GAS2: variants seen among roughly 807,000 people sequenced by gnomAD.
GAS2 encodes the protein growth arrest-specific protein 2.
In GAS2, 20 loss-of-function variants were observed where a neutral mutation model predicts 37.5. The ratio of observed to expected loss-of-function variants is 0.53; its 90% confidence interval spans 0.37 to 0.77. GAS2 has a LOEUF of 0.77. GAS2 is among the 30% of genes least tolerant of loss of function. The pLI is 0.00. For missense variants in GAS2, 336 were observed against 373.4 expected, an observed-to-expected ratio of 0.90 and a Z score of 0.82; for synonymous variants, 144 against 132.2, an observed-to-expected ratio of 1.09 and a Z score of -0.61.
At chr11:22,741,752 G>A (rs577095573) in intron 5 of GAS2, among the ~76,000 whole-genome samples, 3 of 152,160 alleles carry the variant, frequency 2.0e-5, no homozygotes, top group East Asian at 1.9e-4. Flanking sequence ...ACTTTCACAT[G>A]GTTGAAATTT....
chr11:22,641,049 A>G (rs890854665), intron 1 of GAS2, among the ~76,000 whole-genome samples: 2 of 150,836 alleles, frequency 1.3e-5, no homozygotes, highest in South Asian at 4.2e-4. Context: ...AGCTTTACTG[A>G]CTGTTTGAGG....
At chr11:22,643,058 CTTTT>C (rs34518780) in intron 1 of GAS2, among the ~76,000 whole-genome samples, 2 of 151,228 alleles carry the variant, frequency 1.3e-5, no homozygotes, top group African/African-American at 4.9e-5. Flanking sequence ...TGCTTTCTAA[CTTTT>C]TTTTTCTAAA....
At chr11:22,789,832 A>T (rs1431660598) in intron 7 of GAS2, among the ~76,000 whole-genome samples, 1 of 152,092 alleles carries the variant, frequency 6.6e-6, no homozygotes, top group Non-Finnish European at 1.5e-5. Flanking sequence ...CTATATAGAG[A>T]GATATACGGA....
chr11:22,778,939 A>G lies in GAS2; in HGVS notation c.723+22986A>G, dbSNP rs147718491. Among the ~76,000 whole-genome samples, 12 of 152,174 alleles carry G rather than the reference A, an allele frequency of 7.9e-5. No homozygotes were observed. The East Asian group carries it at 2.3e-3, about 29-fold the overall frequency. On this transcript the variant is annotated intron_variant, in intron 7 of 7. Coordinates refer to ENST00000454584, the MANE Select transcript of GAS2 (RefSeq NM_001143830.3). ...TGTAAATGAGAAGGAATGGAAACAG[A>G]GGGGAACAAGAAGTGTTCTGTTGAA...
chr11:22,739,438 G>A (rs1852937267), intron 5 of GAS2, among the ~76,000 whole-genome samples: 1 of 151,800 alleles, frequency 6.6e-6, no homozygotes, highest in African/African-American at 2.4e-5. Context: ...GCCGGGTGTG[G>A]TGGTGGGCGC....
intron 1 of GAS2, among the ~76,000 whole-genome samples, chr11:22,656,372 C>A (rs992738422): frequency 2.0e-5 from 3 of 152,026 alleles, no homozygotes; most frequent in African/African-American, 7.2e-5. Context: ...AGAGATCTGC[C>A]TAAGGCACAG....
At chr11:22,809,785 C>T (rs559593055) in intron 7 of GAS2, among the ~76,000 whole-genome samples, 77 of 152,068 alleles carry the variant, frequency 5.1e-4, no homozygotes, top group African/African-American at 1.1e-3. Flanking sequence ...TGAGCCACCA[C>T]GCCCGACCAT....
chr11:22,631,847 AT>A (rs1395631878), intron 1 of GAS2, among the ~76,000 whole-genome samples: 1 of 149,648 alleles, frequency 6.7e-6, no homozygotes, highest in Admixed American at 6.7e-5. Flanking sequence ...TATAGGGAGG[AT>A]TCCCTCTTTC....
intron 2 of GAS2, among the ~76,000 whole-genome samples, chr11:22,680,721 C>T (rs899791756): frequency 6.6e-6 from 1 of 151,846 alleles, no homozygotes; most frequent in African/African-American, 2.4e-5. Context: ...TTTTTTCCAC[C>T]AAAGAGGTTT....
At chr11:22,766,679 A>G (rs1012710303) in intron 7 of GAS2, among the ~76,000 whole-genome samples, 2 of 152,174 alleles carry the variant, frequency 1.3e-5, no homozygotes, top group Non-Finnish European at 2.9e-5. Context: ...TAAACTAGAA[A>G]ACCCAACAAA....
chr11:22,737,790 A>T (rs374996114), intron 5 of GAS2, 22 bp downstream of exon 5: 2 of 1,607,964 alleles, frequency 1.2e-6, no homozygotes, highest in South Asian at 2.2e-5. Flanking sequence ...CACTGCAACT[A>T]TGTCAAGACA....
intron 7 of GAS2, among the ~76,000 whole-genome samples, chr11:22,802,699 T>C (rs533138075): frequency 3.9e-5 from 6 of 152,168 alleles, no homozygotes; most frequent in African/African-American, 1.4e-4. Flanking sequence ...CTTTTATTTC[T>C]TATCAACAAC....
chr11:22,707,542 G>T (rs547708944), intron 3 of GAS2, among the ~76,000 whole-genome samples: 7 of 152,108 alleles, frequency 4.6e-5, no homozygotes, highest in African/African-American at 1.7e-4. Flanking sequence ...ATACTTAGTA[G>T]GTTCTTGTAA....
intron 3 of GAS2, chr11:22,702,202 T>C (rs967687369): frequency 1.3e-5 from 2 of 152,196 alleles, no homozygotes; most frequent in African/African-American, 4.8e-5. Context: ...CTTTTTATTA[T>C]CACAGGTCAA....
At chr11:22,756,574 T>C (rs2134336836) in intron 7 of GAS2, among the ~76,000 whole-genome samples, 1 of 152,248 alleles carries the variant, frequency 6.6e-6, no homozygotes, top group South Asian at 2.1e-4. Flanking sequence ...AATTTTGCCC[T>C]TGTAAAGTTT....
intron 2 of GAS2, among the ~76,000 whole-genome samples, chr11:22,682,219 A>G (rs2133925494): frequency 6.6e-6 from 1 of 152,244 alleles, no homozygotes; most frequent in South Asian, 2.1e-4. Context: ...AAAACAGGAT[A>G]ACTAAAAAGA....
At chr11:22,709,407 T>A (rs775325013) in intron 3 of GAS2, among the ~76,000 whole-genome samples, 3 of 152,144 alleles carry the variant, frequency 2.0e-5, no homozygotes, top group Non-Finnish European at 4.4e-5. Context: ...TGAAAAAAAA[T>A]TAAATTAATT....
At chr11:22,762,668 A>G (rs1165290113) in intron 7 of GAS2, among the ~76,000 whole-genome samples, 4 of 152,188 alleles carry the variant, frequency 2.6e-5, no homozygotes, top group Non-Finnish European at 5.9e-5. Flanking sequence ...TGCATAATCA[A>G]TAGTGCCTAA....
chr11:22,708,383 A>G (rs1851230499), intron 3 of GAS2, among the ~76,000 whole-genome samples: 1 of 152,174 alleles, frequency 6.6e-6, no homozygotes. Flanking sequence ...CAGTTTTCTA[A>G]CAAACATGCA....
Sources: allele counts gnomAD v4.1 joint callset (sites outside exome capture counted in the v4.1 genomes callset), GRCh38; gene constraint gnomAD v4.1.1; transcripts MANE v1.5; gene names NCBI Gene and HGNC (gene_info 2026-07-23, HGNC 2026-07-21).